SETX: variants seen among roughly 807,000 people sequenced by gnomAD.
SETX encodes senataxin, also known as helicase senataxin.
SETX carries 90 observed loss-of-function variants against 227.2 expected under a neutral mutation model. The observed-to-expected ratio is 0.40, with a 90% CI of 0.33 to 0.47. SETX has a LOEUF of 0.47. Ranked by LOEUF, SETX falls within the 20% of genes least tolerant of loss-of-function variation. SETX has a pLI of 0.91. For synonymous variants in SETX, 1,210 were observed against 1,113.2 expected (o/e 1.09, Z -1.73); for missense variants, 3,052 against 3,181.5 (o/e 0.96, Z 0.98).
intron 20 of SETX, among the ~76,000 whole-genome samples, chr9:132,280,104 T>C (rs964660067): frequency 6.6e-6 from 1 of 152,162 alleles, no homozygotes. Context: ...AATATATACA[T>C]ACTGAAAAAG....
intron 7 of SETX, among the ~76,000 whole-genome samples, chr9:132,331,701 A>T (rs1348644941): frequency 1.3e-5 from 2 of 152,120 alleles, no homozygotes; most frequent in African/African-American, 2.4e-5. Context: ...AGTGGCAAAC[A>T]AATTACTTAA....
intron 25 of SETX, among the ~76,000 whole-genome samples, chr9:132,266,813 G>A (rs1338829172): frequency 6.6e-6 from 1 of 152,120 alleles, no homozygotes; most frequent in Non-Finnish European, 1.5e-5. Flanking sequence ...TGGAGATAAA[G>A]GGTTCTAAGA....
chr9:132,307,007 C>T (rs573312889), intron 11 of SETX, among the ~76,000 whole-genome samples: 1 of 152,210 alleles, frequency 6.6e-6, no homozygotes, highest in African/African-American at 2.4e-5. Context: ...GTAATCCCTG[C>T]ACTTTGGGAG....
At chr9:132,355,135 G>C (rs991376195), upstream of SETX, 3 of 152,210 alleles carry the variant, frequency 2.0e-5, no homozygotes, top group African/African-American at 7.2e-5. Context: ...GAGCGGCCGC[G>C]GTGCACCGCC....
In SETX at chr9:132,327,545, T is replaced by C. The variant is rs886063553; in HGVS notation, c.4053A>G (p.Gln1351=). The C allele has an allele frequency of 6.2e-7, 1 of 1,614,118 alleles. No individual in the cohort carries two copies. Among genetic ancestry groups the C allele is most frequent in the Non-Finnish European group, 8.5e-7 (1 of 1,180,038 alleles). The change falls in exon 10 of 26, where the codon CAA becomes CAG. Residue 1351 remains glutamine, a synonymous_variant. Coordinates refer to ENST00000224140, the MANE Select transcript of SETX (RefSeq NM_015046.7). The stretch of plus-strand genomic sequence containing the variant: ...TTTGTGATTTGGGTCTGATCTGCCT[T>C]TGCATCTGAAGTTCTTGACTAGTCA... ...KLLTSQELQM[Q]RQIRPKSQKN...
intron 19 of SETX, chr9:132,282,833 C>G: frequency 4.8e-6 from 1 of 207,494 alleles, no homozygotes; most frequent in Non-Finnish European, 1.0e-5. Context: ...CCTGCTCCAT[C>G]TCTTTTGTCT....
At chr9:132,293,968 G>A (rs942304239) in intron 15 of SETX, among the ~76,000 whole-genome samples, 1 of 152,076 alleles carries the variant, frequency 6.6e-6, no homozygotes, top group African/African-American at 2.4e-5. Flanking sequence ...AGCTTGCAGT[G>A]AGCCGAGATC....
chr9:132,346,501 T>C (rs999343748), intron 3 of SETX, 30 bp from the exon 4 acceptor site: 4 of 1,480,262 alleles, frequency 2.7e-6, no homozygotes, highest in Admixed American at 3.6e-5. Flanking sequence ...GCAGTGTGCG[T>C]TATGTCTTAT....
chr9:132,344,854 G>A (rs532751761), intron 4 of SETX, among the ~76,000 whole-genome samples: 1 of 134,402 alleles, frequency 7.4e-6, no homozygotes, highest in South Asian at 2.5e-4. Flanking sequence ...CAGCCTGGGC[G>A]ACAGTGAGAC....
Position 132,328,392 on chromosome 9 carries a change from G to T in SETX, c.3206C>A (p.Thr1069Asn). ...ATCAGATTCCTCAAACTGAAAAAGA[G>T]TCTCTGTCTTTTCTTCCTTTACTGG... ...KNPVKEEKTETLFQFEESDSQ... is the reference protein window; with the variant it reads ...KNPVKEEKTENLFQFEESDSQ... Residue 1069 changes from threonine to asparagine, a missense_variant, in exon 10 of 26, where the codon ACT (threonine) becomes AAT (asparagine). Physicochemically the swap from Thr to Asn is moderately conservative, Grantham distance 65 (BLOSUM62 0). Around this residue, in one of 10 missense-constraint regions of SETX, gnomAD observed 1,483 missense variants for 1,312.0 expected, o/e 1.13. Coordinates refer to ENST00000224140, the MANE Select transcript of SETX (RefSeq NM_015046.7). 1 of 1,613,968 alleles carries T rather than the reference G, an allele frequency of 6.2e-7. No individual in the cohort carries two copies. The highest frequency in any genetic ancestry group is 8.5e-7 in the Non-Finnish European group (1 of 1,179,978).
chr9:132,307,799 C>T (rs754513171), intron 11 of SETX, among the ~76,000 whole-genome samples: 5 of 152,154 alleles, frequency 3.3e-5, no homozygotes, highest in Non-Finnish European at 5.9e-5. Context: ...CTGCCCCGGC[C>T]TCCCTAGTAG....
intron 3 of SETX, 83 bp from the exon 4 acceptor site, chr9:132,346,554 T>C (rs1247366841): frequency 1.0e-6 from 1 of 964,364 alleles, no homozygotes; most frequent in Non-Finnish European, 1.6e-6. Flanking sequence ...GAAAGCCTTT[T>C]CCTAAGTACA....
intron 2 of SETX, among the ~76,000 whole-genome samples, 188 bp downstream of exon 2, chr9:132,353,461 T>C (rs1848707165): frequency 6.6e-6 from 1 of 152,024 alleles, no homozygotes; most frequent in Non-Finnish European, 1.5e-5. Flanking sequence ...AAGCTGGATT[T>C]GAGAACAACC....
rs145586758 is a variant in SETX, at chr9:132,337,746, T to C, written c.499-1231A>G. Among the ~76,000 whole-genome samples the C allele has an allele frequency of 1.2e-3, 178 of 152,286 alleles. 1 individual carries two copies. The highest frequency in any genetic ancestry group is 4.2e-3 in the African/African-American group (175 of 41,560). ...AATGTCAAGTGGTAAATAGTAAACA[T>C]GGAGAGTGCTGGAGTTAGGAAATGA... On this transcript the variant is annotated intron_variant, in intron 5 of 25. Transcript: ENST00000224140.
chr9:132,350,355 A>C (rs1338489143), intron 2 of SETX, among the ~76,000 whole-genome samples: 2 of 152,062 alleles, frequency 1.3e-5, no homozygotes, highest in Non-Finnish European at 2.9e-5. Flanking sequence ...GTCTCAAAAC[A>C]AACAAACAAA....
chr9:132,307,180 G>A (rs1259981335), intron 11 of SETX, among the ~76,000 whole-genome samples: 3 of 152,188 alleles, frequency 2.0e-5, no homozygotes, highest in East Asian at 1.9e-4. Context: ...GCTTGAACTC[G>A]GGAGACAGAA....
chr9:132,284,477 C>T (rs1041872377), intron 18 of SETX, among the ~76,000 whole-genome samples: 1 of 152,156 alleles, frequency 6.6e-6, no homozygotes, highest in African/African-American at 2.4e-5. Flanking sequence ...ATACTACTAA[C>T]GTCATCAGTT....
At chr9:132,314,400 T>C (rs2131367616) in intron 10 of SETX, among the ~76,000 whole-genome samples, 1 of 152,280 alleles carries the variant, frequency 6.6e-6, no homozygotes, top group South Asian at 2.1e-4. Context: ...ACATTTTGTA[T>C]TTTTAGTAGA....
At position 132,271,760 on chromosome 9, in the gene SETX, A is replaced by T. The variant is rs1325142907; in HGVS notation, c.7149T>A (p.Asp2383Glu). The change falls in exon 24 of 26, where the codon GAT becomes GAA. Residue 2383 changes from aspartate (D) to glutamate (E), a missense_variant. Asp to Glu is a conservative substitution (Grantham distance 45). Transcript: ENST00000224140. ...CTCTGACACACGTAACAATAACACA[A>T]TCCTTCTGCCGACCCTGGAATGCAT... is the stretch of plus-strand genomic sequence containing the variant. ...TVDAFQGRQK[D>E]CVIVTCVRAN... 6.2e-7 allele frequency: 1 copy of T among 1,613,998 alleles called. No individual in the cohort carries two copies. Among genetic ancestry groups the T allele is most frequent in the Admixed American group, 1.7e-5 (1 of 59,992 alleles).
Sources: gnomAD v4.1 joint callset for allele counts (sites outside exome capture counted in the v4.1 genomes callset) on GRCh38, gnomAD v4.1.1 for gene constraint, gnomAD v4.1.1 regional missense constraint, MANE v1.5 for transcripts, NCBI Gene and HGNC (gene_info 2026-07-23, HGNC 2026-07-21) for gene names.